KALRN: variants seen among roughly 807,000 people sequenced by gnomAD.
KALRN encodes kalirin RhoGEF kinase, also known as kalirin.
KALRN carries 70 observed loss-of-function variants against 353.7 expected under a neutral mutation model. The ratio of observed to expected loss-of-function variants is 0.20; its 90% CI spans 0.16 to 0.24. KALRN has a LOEUF of 0.24. KALRN is among the 10% of genes least tolerant of loss of function. KALRN has a pLI of 1.00. For missense variants in KALRN, 2,791 were observed against 3,756.7 expected, an observed-to-expected ratio of 0.74 and a Z score of 6.72; for synonymous variants, 1,391 against 1,434.8, an observed-to-expected ratio of 0.97 and a Z score of 0.69.
chr3:124,549,783 C>T (rs962147721), intron 33 of KALRN, among the ~76,000 whole-genome samples: 1 of 151,938 alleles, frequency 6.6e-6, no homozygotes, highest in Non-Finnish European at 1.5e-5. Flanking sequence ...CCTCCAAAAG[C>T]AGGAAAGACA....
chr3:124,278,293 T>C (rs1049392798), intron 5 of KALRN, among the ~76,000 whole-genome samples: 3 of 152,008 alleles, frequency 2.0e-5, no homozygotes, highest in Non-Finnish European at 2.9e-5. Flanking sequence ...CTCTGTTGCT[T>C]TCTGGGTGGG....
intron 5 of KALRN, among the ~76,000 whole-genome samples, chr3:124,290,656 T>G (rs2076336736): frequency 1.3e-5 from 2 of 152,182 alleles, no homozygotes; most frequent in Admixed American, 1.3e-4. Flanking sequence ...AATTAATTTC[T>G]TGGTGCCTTA....
chr3:124,615,986 C>A (rs760883209), intron 34 of KALRN, among the ~76,000 whole-genome samples: 9 of 152,158 alleles, frequency 5.9e-5, no homozygotes, highest in Non-Finnish European at 7.3e-5. Flanking sequence ...GACTGTAGAG[C>A]CTCCTATTAC....
rs949054886 is a variant in KALRN at position 124,720,722 on chromosome 3, G to A, written c.*1252G>A. On this transcript the variant is annotated 3_prime_UTR_variant, in exon 60 of 60. Coordinates refer to ENST00000682506, the MANE Select transcript of KALRN (RefSeq NM_001388419.1). Reference sequence around the variant, plus strand: ...GGACTAATTGTACTTTGAGGCCAATGCTGCTTTCTGGTGTATATTCTCCAT... The same window carrying A: ...GGACTAATTGTACTTTGAGGCCAATACTGCTTTCTGGTGTATATTCTCCAT... 1 of 152,264 alleles carries A rather than the reference G, an allele frequency of 6.6e-6. No individual in the cohort carries two copies. Among genetic ancestry groups the A allele is most frequent in the Non-Finnish European group, 1.5e-5 (1 of 68,040 alleles). 9.4% of individuals were successfully genotyped at this position (152,264 alleles called of 1,614,324 possible).
chr3:124,693,687 G>A (rs1578987008), intron 51 of KALRN, 117 bp from the exon 52 acceptor site: 2 of 598,588 alleles, frequency 3.3e-6, no homozygotes, highest in Non-Finnish European at 5.8e-6. Context: ...TGGGAAGTTG[G>A]GCTCCAGGCC....
intron 59 of KALRN, 108 bp downstream of exon 59, chr3:124,717,493 T>C: frequency 1.5e-6 from 1 of 653,926 alleles, no homozygotes; most frequent in South Asian, 3.0e-5. Flanking sequence ...GAGACCATCC[T>C]GGCTGACACG....
chr3:124,039,373 T>C (rs2039730735), intron 1 of KALRN, among the ~76,000 whole-genome samples: 1 of 152,214 alleles, frequency 6.6e-6, no homozygotes, highest in African/African-American at 2.4e-5. Context: ...ATTTAGCCTT[T>C]CCATACATGA....
At chr3:124,453,968 G>A (rs1299981260) in intron 21 of KALRN, among the ~76,000 whole-genome samples, 1 of 151,852 alleles carries the variant, frequency 6.6e-6, no homozygotes, top group Non-Finnish European at 1.5e-5. Context: ...TTTTCCTTTT[G>A]TTTGACCCCC....
At chr3:124,560,354 C>T (rs1186642890) in intron 33 of KALRN, among the ~76,000 whole-genome samples, 6 of 152,262 alleles carry the variant, frequency 3.9e-5, no homozygotes, top group Admixed American at 3.9e-4. Flanking sequence ...CGCAGAGGAG[C>T]AGCTCTACTG....
intron 2 of KALRN, among the ~76,000 whole-genome samples, chr3:124,231,288 T>C (rs185505175): frequency 6.6e-6 from 1 of 152,382 alleles, no homozygotes; most frequent in East Asian, 1.9e-4. Context: ...TTGGCCTCTC[T>C]GATGTCCTTT....
intron 37 of KALRN, among the ~76,000 whole-genome samples, chr3:124,648,022 G>T (rs1197440249): frequency 1.3e-5 from 2 of 152,184 alleles, no homozygotes; most frequent in African/African-American, 2.4e-5. Context: ...TGTGCCCTGA[G>T]CTCCAGGTGG....
In KALRN at chr3:124,186,334, C is replaced by T. The variant is rs574839646; in HGVS notation, c.74-41656C>T. 1.1e-4 allele frequency among the ~76,000 whole-genome samples: 17 copies of T among 152,276 alleles called. No homozygotes were observed. The South Asian group carries it at 3.5e-3, about 32-fold the overall frequency. The stretch of plus-strand genomic sequence containing the variant: ...CAAGCCAGGCTTCCTGAGTTCAGTC[C>T]TGGTTCTGTTATTTCCCTTCTCTGT... On this transcript the variant is annotated intron_variant, in intron 1 of 59. Transcript: ENST00000682506.
At chr3:124,248,254 AC>A (rs71625750) in intron 3 of KALRN, among the ~76,000 whole-genome samples, 7,201 of 150,908 alleles carry the variant, frequency 0.048, 720 homozygotes, top group East Asian at 0.44. Context: ...AGAGGGCTTC[AC>A]CCCCCCCATA....
intron 47 of KALRN, among the ~76,000 whole-genome samples, chr3:124,671,221 T>C (rs1578848471): frequency 1.3e-5 from 2 of 152,208 alleles, no homozygotes; most frequent in Non-Finnish European, 2.9e-5. Flanking sequence ...TCCAGACTCA[T>C]TGGACTCACT....
At chr3:124,154,929 CA>C (rs2068750578) in intron 1 of KALRN, among the ~76,000 whole-genome samples, 1 of 152,188 alleles carries the variant, frequency 6.6e-6, no homozygotes, top group Non-Finnish European at 1.5e-5. Flanking sequence ...ATCAATGGAA[CA>C]GAACAGACGT....
chr3:124,172,059 TACTTG>T (rs2071917001), intron 1 of KALRN, among the ~76,000 whole-genome samples: 1 of 152,226 alleles, frequency 6.6e-6, no homozygotes, highest in African/African-American at 2.4e-5. Flanking sequence ...TTGGGTAGGT[TACTTG>T]ACTTCTTTGA....
chr3:124,453,648 C>A (rs1427144653), intron 21 of KALRN, among the ~76,000 whole-genome samples: 2 of 152,160 alleles, frequency 1.3e-5, no homozygotes, highest in South Asian at 4.1e-4. Context: ...TTCCTCCAGT[C>A]CAAAAGATAA....
intron 1 of KALRN, among the ~76,000 whole-genome samples, chr3:124,201,907 C>T (rs751041282): frequency 2.6e-5 from 4 of 152,186 alleles, no homozygotes; most frequent in African/African-American, 9.7e-5. Flanking sequence ...GAGCCCTGAC[C>T]AGCAGCTGCT....
intron 11 of KALRN, among the ~76,000 whole-genome samples, chr3:124,389,141 T>TCTTTCCTTCCTCCATTTCTTC (rs1187934059): frequency 1.3e-5 from 2 of 152,216 alleles, no homozygotes; most frequent in Non-Finnish European, 1.5e-5. Flanking sequence ...CCTCCTTCTT[T>TCTTTCCTTCCTCCATTTCTTC]CTTTCCTTCC....
Sources: gnomAD v4.1 joint callset for allele counts (sites outside exome capture counted in the v4.1 genomes callset) on GRCh38, gnomAD v4.1.1 for gene constraint, MANE v1.5 for transcripts, NCBI Gene and HGNC (gene_info 2026-07-23, HGNC 2026-07-21) for gene names.